Variants in PIK3C2G observed in about 807,000 individuals in gnomAD.
The protein encoded by PIK3C2G is phosphatidylinositol 3-kinase C2 domain-containing subunit gamma.
In PIK3C2G, 168 loss-of-function variants were observed where a neutral mutation model predicts 181.1. That is an observed-to-expected ratio of 0.93 (90% CI 0.82 to 1.05). The LOEUF is 1.05. Ranked by LOEUF, PIK3C2G falls within the 50% of genes least tolerant of loss-of-function variation. The probability of loss-of-function intolerance (pLI) is 0.00; values close to 1 mark genes in which losing one functional copy is unlikely to be tolerated. For synonymous variants in PIK3C2G, 573 were observed against 592.2 expected, an observed-to-expected ratio of 0.97 and a Z score of 0.47; for missense variants, 1,869 against 1,732.8, an observed-to-expected ratio of 1.08 and a Z score of -1.40.
At chr12:18,373,650 C>T (rs1168118690) in intron 13 of PIK3C2G, among the ~76,000 whole-genome samples, 1 of 152,070 alleles carries the variant, frequency 6.6e-6, no homozygotes, top group African/African-American at 2.4e-5. Context: ...GAGATCGAGA[C>T]CATCCTGGCT....
chr12:18,454,653 T>G (rs1464725638), intron 18 of PIK3C2G, among the ~76,000 whole-genome samples: 1 of 152,154 alleles, frequency 6.6e-6, no homozygotes, highest in African/African-American at 2.4e-5. Context: ...AGCAGAAAAG[T>G]CACACATTCC....
At chr12:18,673,018 A>G in the PIK3C2G span, among the ~76,000 whole-genome samples, 1 of 152,214 alleles carries the variant, frequency 6.6e-6, no homozygotes, top group African/African-American at 2.4e-5. Context: ...GATGGCATAC[A>G]TTAAAATACA....
chr12:18,572,939 TGA>T (rs1009999403), intron 29 of PIK3C2G, among the ~76,000 whole-genome samples: 2 of 152,182 alleles, frequency 1.3e-5, no homozygotes, highest in Non-Finnish European at 2.9e-5. Flanking sequence ...CATTTTTATG[TGA>T]GTTCCCCATT....
the PIK3C2G span, among the ~76,000 whole-genome samples, chr12:18,699,460 T>A: frequency 6.6e-6 from 1 of 152,204 alleles, no homozygotes; most frequent in Admixed American, 6.5e-5. Flanking sequence ...AGGACAAAGT[T>A]CAAGCCTTCT....
At chr12:18,507,914 T>C (rs1357030333) in intron 24 of PIK3C2G, among the ~76,000 whole-genome samples, 1 of 152,250 alleles carries the variant, frequency 6.6e-6, no homozygotes, top group East Asian at 1.9e-4. Flanking sequence ...TTGTTGATGC[T>C]ACAGCAGCTA....
At chr12:18,535,427 C>A (rs1943797222) in intron 24 of PIK3C2G, among the ~76,000 whole-genome samples, 2 of 151,814 alleles carry the variant, frequency 1.3e-5, no homozygotes, top group African/African-American at 4.8e-5. Context: ...GTATATGTTT[C>A]TTTTGTGTAT....
At chr12:18,484,124 A>T (rs1339253549) in intron 18 of PIK3C2G, among the ~76,000 whole-genome samples, 1 of 152,188 alleles carries the variant, frequency 6.6e-6, no homozygotes, top group African/African-American at 2.4e-5. Flanking sequence ...AAATCACATG[A>T]CCAATCTGAC....
In PIK3C2G at chr12:18,497,668, T is replaced by A. The variant is rs370890818; in HGVS notation, c.2936T>A (p.Val979Glu). ...QDMLVLQLIQVMDNIWLQEGL... is the reference protein window; with the variant it reads ...QDMLVLQLIQEMDNIWLQEGL... ...ATGCTTGTTCTGCAGCTTATTCAAGTGATGGACAATATTTGGCTGCAGGAA... is the reference window on the plus strand; with the variant it reads ...ATGCTTGTTCTGCAGCTTATTCAAGAGATGGACAATATTTGGCTGCAGGAA... Residue 979 changes from valine to glutamate, a missense_variant, in exon 22 of 33, where the codon GTG (valine) becomes GAG (glutamate). Physicochemically the swap from Val to Glu is moderately radical, Grantham distance 121. Coordinates refer to ENST00000538779, the MANE Select transcript of PIK3C2G (RefSeq NM_001288772.2). 6.2e-7 allele frequency: 1 copy of A among 1,612,630 alleles called. No homozygotes were observed. The highest frequency in any genetic ancestry group is 1.3e-5 in the African/African-American group (1 of 74,996).
intron 31 of PIK3C2G, among the ~76,000 whole-genome samples, chr12:18,628,238 T>G (rs1219928188): frequency 6.6e-6 from 1 of 152,168 alleles, no homozygotes; most frequent in Admixed American, 6.5e-5. Context: ...TTATTATTGT[T>G]ATTATTACTA....
chr12:18,502,735 A>T (rs1941575535), intron 22 of PIK3C2G, among the ~76,000 whole-genome samples: 1 of 152,216 alleles, frequency 6.6e-6, no homozygotes, highest in African/African-American at 2.4e-5. Context: ...TTTCTCTTTA[A>T]TGTTGACTGA....
intron 18 of PIK3C2G, among the ~76,000 whole-genome samples, chr12:18,454,659 A>T: frequency 6.6e-6 from 1 of 152,164 alleles, no homozygotes; most frequent in East Asian, 1.9e-4. Flanking sequence ...AAAGTCACAC[A>T]TTCCTAAGAG....
chr12:18,313,463 G>A (rs552523686), intron 5 of PIK3C2G, among the ~76,000 whole-genome samples: 1 of 151,822 alleles, frequency 6.6e-6, no homozygotes, highest in South Asian at 2.1e-4. Context: ...TAAGGTCATC[G>A]AGCTAGTAAA....
intron 18 of PIK3C2G, among the ~76,000 whole-genome samples, chr12:18,458,352 T>A (rs1947739333): frequency 6.6e-6 from 1 of 152,184 alleles, no homozygotes; most frequent in African/African-American, 2.4e-5. Context: ...CTATGACAAG[T>A]CATGGATTAA....
chr12:18,305,875 T>G (rs550700764), intron 5 of PIK3C2G, among the ~76,000 whole-genome samples: 3 of 151,984 alleles, frequency 2.0e-5, no homozygotes, highest in Admixed American at 2.0e-4. Flanking sequence ...AAGAGCTCCT[T>G]GGGGCTCAGT....
At chr12:18,504,198 A>T (rs1298485990) in intron 23 of PIK3C2G, among the ~76,000 whole-genome samples, 2 of 152,198 alleles carry the variant, frequency 1.3e-5, no homozygotes, top group Non-Finnish European at 2.9e-5. Context: ...AAAGGCCATG[A>T]TAAAATAGAC....
At chr12:18,561,128 G>A (rs150639357) in intron 26 of PIK3C2G, among the ~76,000 whole-genome samples, 6 of 152,310 alleles carry the variant, frequency 3.9e-5, no homozygotes, top group Admixed American at 2.0e-4. Context: ...AGAATTTACT[G>A]GAACATGAGT....
chr12:18,563,786 A>T (rs1329839319), intron 28 of PIK3C2G, among the ~76,000 whole-genome samples: 2 of 152,106 alleles, frequency 1.3e-5, no homozygotes, highest in Non-Finnish European at 2.9e-5. Context: ...AAATAGTCTC[A>T]TTTGCCTGTT....
chr12:18,688,732 T>C, the PIK3C2G span, among the ~76,000 whole-genome samples: 1 of 152,078 alleles, frequency 6.6e-6, no homozygotes, highest in Non-Finnish European at 1.5e-5. Context: ...ATAATAATTG[T>C]ATTTAAACTT....
At chr12:18,592,725 T>G (rs1024042418) in intron 29 of PIK3C2G, among the ~76,000 whole-genome samples, 3 of 151,928 alleles carry the variant, frequency 2.0e-5, no homozygotes, top group Non-Finnish European at 4.4e-5. Context: ...CTCACCTGTT[T>G]GTTAGTTTTT....
Sources: allele counts gnomAD v4.1 joint callset (sites outside exome capture counted in the v4.1 genomes callset), GRCh38; gene constraint gnomAD v4.1.1; transcripts MANE v1.5; gene names NCBI Gene and HGNC (gene_info 2026-07-23, HGNC 2026-07-21).